Variants in ULK4 observed in about 807,000 individuals in gnomAD.
ULK4 encodes the protein inactive serine/threonine-protein kinase ULK4.
Under a neutral mutation model 160.6 loss-of-function variants are expected in ULK4, and 133 were observed. The ratio of observed to expected loss-of-function variants is 0.83; its 90% CI spans 0.72 to 0.96. The LOEUF is 0.96. Ranked by LOEUF, ULK4 falls within the 40% of genes least tolerant of loss-of-function variation. ULK4 has a pLI of 0.00. For synonymous variants in ULK4, 534 were observed against 539.8 expected (o/e 0.99, Z 0.15); for missense variants, 1,580 against 1,499.5 (o/e 1.05, Z -0.89).
At chr3:41,701,685 A>G (rs984034232) in intron 27 of ULK4, among the ~76,000 whole-genome samples, 1 of 152,228 alleles carries the variant, frequency 6.6e-6, no homozygotes, top group Non-Finnish European at 1.5e-5. Context: ...AACTATATTA[A>G]AGTAGTGATA....
At chr3:41,326,325 G>A (rs2080337549) in intron 35 of ULK4, among the ~76,000 whole-genome samples, 1 of 152,108 alleles carries the variant, frequency 6.6e-6, no homozygotes, top group Non-Finnish European at 1.5e-5. Flanking sequence ...TAACTGAAGT[G>A]CAATTTAGAA....
intron 21 of ULK4, among the ~76,000 whole-genome samples, chr3:41,769,805 G>C (rs561396733): frequency 6.6e-6 from 1 of 152,126 alleles, no homozygotes; most frequent in Admixed American, 6.5e-5. Flanking sequence ...ATGGTAACGA[G>C]GTAGAGAACT....
chr3:41,566,575 T>C (rs1261310317), intron 31 of ULK4, among the ~76,000 whole-genome samples: 1 of 152,252 alleles, frequency 6.6e-6, no homozygotes, highest in Non-Finnish European at 1.5e-5. Context: ...TTATTACTGC[T>C]TTAGTGCAAT....
At chr3:41,756,224 AC>A (rs2038799528) in intron 21 of ULK4, among the ~76,000 whole-genome samples, 1 of 151,778 alleles carries the variant, frequency 6.6e-6, no homozygotes, top group South Asian at 2.1e-4. Flanking sequence ...TGAAAATGAC[AC>A]CCCCACTATG....
chr3:41,417,275 T>G (rs1348939405), intron 34 of ULK4, among the ~76,000 whole-genome samples: 1 of 151,996 alleles, frequency 6.6e-6, no homozygotes, highest in Admixed American at 6.6e-5. Flanking sequence ...GATAAGGATG[T>G]TGGGGGTCTA....
At chr3:41,510,427 G>T (rs1232884802) in intron 32 of ULK4, among the ~76,000 whole-genome samples, 1 of 152,078 alleles carries the variant, frequency 6.6e-6, no homozygotes, top group Non-Finnish European at 1.5e-5. Flanking sequence ...AGGTCATCAA[G>T]ACAGAAAGTC....
chr3:41,843,932 G>A (rs2042001278), intron 17 of ULK4, among the ~76,000 whole-genome samples: 1 of 152,130 alleles, frequency 6.6e-6, no homozygotes, highest in African/African-American at 2.4e-5. Flanking sequence ...GATACAGAGT[G>A]TCTGCACAAA....
chr3:41,583,330 T>C (rs556020223), intron 31 of ULK4, among the ~76,000 whole-genome samples: 1 of 152,328 alleles, frequency 6.6e-6, no homozygotes, highest in South Asian at 2.1e-4. Flanking sequence ...TGAAATAACC[T>C]TTTACGGCAA....
intron 30 of ULK4, among the ~76,000 whole-genome samples, chr3:41,658,061 A>G (rs1484708992): frequency 6.6e-6 from 1 of 152,206 alleles, no homozygotes; most frequent in African/African-American, 2.4e-5. Flanking sequence ...TCACAATGCA[A>G]TGAAACTAGA....
At chr3:41,755,963 A>G (rs978179664) in intron 21 of ULK4, among the ~76,000 whole-genome samples, 16 of 152,382 alleles carry the variant, frequency 1.0e-4, no homozygotes, top group Admixed American at 5.2e-4. Context: ...AAACACAGAT[A>G]CACGCACACA....
intron 29 of ULK4, among the ~76,000 whole-genome samples, chr3:41,677,637 GT>G (rs2125784834): frequency 6.6e-6 from 1 of 152,094 alleles, no homozygotes; most frequent in South Asian, 2.1e-4. Context: ...GGCCCCTAAA[GT>G]TCATTGTTTA....
intron 32 of ULK4, among the ~76,000 whole-genome samples, chr3:41,499,286 C>T (rs923721429): frequency 6.6e-6 from 1 of 151,778 alleles, no homozygotes; most frequent in Non-Finnish European, 1.5e-5. Flanking sequence ...CAATAGACAA[C>T]AGAGCTTCTT....
At chr3:41,552,964 C>A (rs2087130344) in intron 32 of ULK4, among the ~76,000 whole-genome samples, 1 of 152,120 alleles carries the variant, frequency 6.6e-6, no homozygotes, top group Non-Finnish European at 1.5e-5. Context: ...TCACAGCCAA[C>A]TGATTTTCAA....
intron 22 of ULK4, among the ~76,000 whole-genome samples, chr3:41,733,459 T>G (rs912771134): frequency 6.6e-6 from 1 of 152,090 alleles, no homozygotes; most frequent in Non-Finnish European, 1.5e-5. Context: ...TAAAAAGAGG[T>G]GTTGAATACA....
At chr3:41,677,461 A>G (rs1204032696) in intron 29 of ULK4, among the ~76,000 whole-genome samples, 1 of 151,424 alleles carries the variant, frequency 6.6e-6, no homozygotes, top group African/African-American at 2.4e-5. Context: ...CCTCCCGAGT[A>G]GCTAGGACTA....
chr3:41,854,539 G>A (rs57162396), intron 17 of ULK4, among the ~76,000 whole-genome samples: 18,843 of 152,086 alleles, frequency 0.12, 1,353 homozygotes, highest in Middle Eastern at 0.27. Flanking sequence ...AAGAATCAAC[G>A]GTAAATTGAG....
intron 35 of ULK4, among the ~76,000 whole-genome samples, chr3:41,359,243 C>T (rs971067357): frequency 6.6e-6 from 1 of 152,204 alleles, no homozygotes; most frequent in Non-Finnish European, 1.5e-5. Context: ...AGATGTGGAG[C>T]ATGCAGCTGA....
intron 14 of ULK4, among the ~76,000 whole-genome samples, chr3:41,897,279 C>T (rs888921340): frequency 2.4e-4 from 36 of 152,162 alleles, no homozygotes; most frequent in Non-Finnish European, 1.2e-4. Context: ...ACAACCTACA[C>T]TATAACAAAA....
At chr3:41,791,625 A>C (rs1174816483) in intron 20 of ULK4, among the ~76,000 whole-genome samples, 1 of 152,204 alleles carries the variant, frequency 6.6e-6, no homozygotes, top group Admixed American at 6.5e-5. Context: ...TTTTCCAGTA[A>C]ATGCATATTA....
Sources: gnomAD v4.1 joint callset for allele counts (sites outside exome capture counted in the v4.1 genomes callset) on GRCh38, gnomAD v4.1.1 for gene constraint, MANE v1.5 for transcripts, NCBI Gene and HGNC (gene_info 2026-07-23, HGNC 2026-07-21) for gene names.